CPNE4: variants seen among roughly 807,000 people sequenced by gnomAD.
CPNE4 encodes copine-4.
A neutral mutation model predicts 67.9 loss-of-function variants in CPNE4; 25 were observed. That is an observed-to-expected ratio of 0.37 (90% CI 0.27 to 0.51). The LOEUF is 0.51. CPNE4 is among the 20% of genes least tolerant of loss of function. CPNE4 has a pLI of 0.93. For synonymous variants in CPNE4, 242 were observed against 244.9 expected (o/e 0.99, Z 0.11); for missense variants, 464 against 690.8 (o/e 0.67, Z 3.68).
intron 2 of CPNE4, among the ~76,000 whole-genome samples, chr3:131,895,794 C>T (rs1490530485): frequency 6.6e-6 from 1 of 152,022 alleles, no homozygotes; most frequent in Non-Finnish European, 1.5e-5. Context: ...CCTCAGGACA[C>T]AATTTGGAAA....
intron 1 of CPNE4, among the ~76,000 whole-genome samples, chr3:132,024,919 A>G (rs1003471550): frequency 6.6e-6 from 1 of 152,212 alleles, no homozygotes; most frequent in Non-Finnish European, 1.5e-5. Context: ...TTGTCTACAT[A>G]AAGTAAATAT....
At chr3:131,604,778 A>G (rs1939404044) in intron 7 of CPNE4, among the ~76,000 whole-genome samples, 1 of 150,372 alleles carries the variant, frequency 6.7e-6, no homozygotes, top group South Asian at 2.1e-4. Flanking sequence ...ATATATATAT[A>G]TCTAGTCTAT....
rs1189605646 is a variant in CPNE4, at chr3:131,893,195, A to G, written c.180+12069T>C. On this transcript the variant is annotated intron_variant, in intron 2 of 15. Coordinates refer to ENST00000429747, the MANE Select transcript of CPNE4 (RefSeq NM_130808.3). ...TGTGTAGCCATACTTATATCAGATA[A>G]AGTAGACTTTAAGTAGAAAACTGTA... 2.0e-5 allele frequency among the ~76,000 whole-genome samples: 3 copies of G among 150,568 alleles called. 1 individual carries two copies. Among genetic ancestry groups the G allele is most frequent in the Admixed American group, 6.7e-5 (1 of 14,992 alleles).
intron 1 of CPNE4, among the ~76,000 whole-genome samples, chr3:131,999,273 C>T (rs1047893513): frequency 4.0e-4 from 40 of 99,514 alleles, no homozygotes; most frequent in African/African-American, 2.1e-3. Context: ...AAGATAGCCT[C>T]TGTACACAAA....
chr3:131,575,107 C>A lies in CPNE4; in HGVS notation c.891G>T (p.Leu297Phe), dbSNP rs1420112663. 1 of 1,612,582 alleles carries A rather than the reference C, an allele frequency of 6.2e-7. No individual in the cohort carries two copies. The highest frequency in any genetic ancestry group is 1.7e-5 in the Admixed American group (1 of 59,940). ...TTTGGCAGCCACCCATGATGTAGTC[C>A]AAGAAAGAATGCATCTTGTGAATCT... ...LCKIHKMHSFLDYIMGGCQIQ... is the reference protein window; with the variant it reads ...LCKIHKMHSFFDYIMGGCQIQ... The change falls in exon 10 of 16, where the codon TTG becomes TTT. Residue 297 changes from leucine (L) to phenylalanine (F), a missense_variant. Transcript: ENST00000429747.
chr3:131,947,534 G>A (rs1372300018), intron 1 of CPNE4, among the ~76,000 whole-genome samples: 1 of 152,060 alleles, frequency 6.6e-6, no homozygotes, highest in Non-Finnish European at 1.5e-5. Context: ...ATGGTTTCCA[G>A]CTTCATCCAT....
chr3:131,583,723 A>G (rs1937990932), intron 8 of CPNE4, among the ~76,000 whole-genome samples: 1 of 152,170 alleles, frequency 6.6e-6, no homozygotes, highest in Non-Finnish European at 1.5e-5. Context: ...GGGGGTCCTG[A>G]TGGACCAGAT....
At chr3:131,961,698 A>G (rs1208462829) in intron 1 of CPNE4, among the ~76,000 whole-genome samples, 3 of 152,202 alleles carry the variant, frequency 2.0e-5, no homozygotes, top group Non-Finnish European at 1.5e-5. Context: ...AGGACTAAAG[A>G]TAGAACATAC....
At chr3:131,885,530 T>C (rs1015012405) in intron 2 of CPNE4, among the ~76,000 whole-genome samples, 2 of 151,056 alleles carry the variant, frequency 1.3e-5, no homozygotes, top group Admixed American at 1.3e-4. Flanking sequence ...TTTAAATTTT[T>C]TTTAATTTTT....
At chr3:131,671,296 G>T (rs893944698) in intron 6 of CPNE4, among the ~76,000 whole-genome samples, 1 of 150,888 alleles carries the variant, frequency 6.6e-6, no homozygotes, top group Non-Finnish European at 1.5e-5. Flanking sequence ...GCAAGAAGGA[G>T]AATTAGGTAA....
chr3:131,578,266 G>A (rs1031031539), intron 9 of CPNE4, among the ~76,000 whole-genome samples: 2 of 152,100 alleles, frequency 1.3e-5, no homozygotes, highest in East Asian at 1.9e-4. Flanking sequence ...TCTGTGATCA[G>A]TTATCTTTGA....
intron 9 of CPNE4, among the ~76,000 whole-genome samples, chr3:131,580,147 T>C (rs7619039): frequency 0.036 from 5,491 of 152,194 alleles, 293 homozygotes; most frequent in African/African-American, 0.12. Context: ...CCAGATAAGG[T>C]CCTCCACCAG....
At chr3:132,028,552 G>C (rs2074166327) in intron 1 of CPNE4, among the ~76,000 whole-genome samples, 3 of 152,128 alleles carry the variant, frequency 2.0e-5, no homozygotes, top group African/African-American at 7.2e-5. Context: ...TGGGAGAAGA[G>C]GCCCATTTAA....
chr3:131,945,651 G>C (rs2071531399), intron 1 of CPNE4, among the ~76,000 whole-genome samples: 1 of 152,092 alleles, frequency 6.6e-6, no homozygotes, highest in Admixed American at 6.5e-5. Context: ...ATCGTAGTCT[G>C]AAAGCTCTTT....
intron 3 of CPNE4, among the ~76,000 whole-genome samples, chr3:131,717,874 T>TTTC (rs2081747183): frequency 3.1e-5 from 3 of 97,038 alleles, no homozygotes; most frequent in African/African-American, 1.5e-4. Context: ...TCTTTCTTTC[T>TTTC]TTTCTTTCTT....
chr3:131,597,810 A>G (rs1357854203), intron 7 of CPNE4, among the ~76,000 whole-genome samples: 1 of 152,232 alleles, frequency 6.6e-6, no homozygotes, highest in Admixed American at 6.5e-5. Flanking sequence ...ATTACATGGT[A>G]ATCACTGGCT....
intron 1 of CPNE4, among the ~76,000 whole-genome samples, chr3:132,010,812 G>C (rs1024672550): frequency 6.6e-5 from 10 of 152,132 alleles, no homozygotes; most frequent in Non-Finnish European, 8.8e-5. Context: ...CCTTAATGCT[G>C]TTACTTCTAG....
At chr3:131,745,139 A>G (rs1235766069) in intron 2 of CPNE4, among the ~76,000 whole-genome samples, 1 of 152,168 alleles carries the variant, frequency 6.6e-6, no homozygotes. Flanking sequence ...CAGGTATGTA[A>G]TAGTATCTCG....
chr3:131,882,365 G>A (rs1015601330), intron 2 of CPNE4, among the ~76,000 whole-genome samples: 8 of 152,144 alleles, frequency 5.3e-5, no homozygotes, highest in African/African-American at 1.9e-4. Flanking sequence ...CCAAGGAAGT[G>A]TTCATTGTAT....
Sources: allele counts gnomAD v4.1 joint callset (sites outside exome capture counted in the v4.1 genomes callset), GRCh38; gene constraint gnomAD v4.1.1; transcripts MANE v1.5; gene names NCBI Gene and HGNC (gene_info 2026-07-23, HGNC 2026-07-21).